The following TDRD3 variants were observed in gnomAD, a reference collection of about 807,000 sequenced individuals.
TDRD3 encodes the protein tudor domain-containing protein 3.
TDRD3 carries 45 observed loss-of-function variants against 86.7 expected under a neutral mutation model. The ratio of observed to expected loss-of-function variants is 0.52; its 90% CI spans 0.41 to 0.67. TDRD3 has a LOEUF of 0.67. Ranked by LOEUF, TDRD3 falls within the 30% of genes least tolerant of loss-of-function variation. The pLI, the probability that TDRD3 is intolerant of heterozygous loss-of-function variation, is 0.00. For synonymous variants in TDRD3, 298 were observed against 301.7 expected (o/e 0.99, Z 0.13); for missense variants, 814 against 889.0 (o/e 0.92, Z 1.07).
intron 1 of TDRD3, among the ~76,000 whole-genome samples, chr13:60,421,617 C>T (rs921927442): frequency 3.9e-5 from 6 of 152,210 alleles, no homozygotes; most frequent in African/African-American, 1.4e-4. Flanking sequence ...TTCCCCCAAA[C>T]TATACGGATG....
chr13:60,440,767 A>G (rs779804856), intron 2 of TDRD3, among the ~76,000 whole-genome samples: 18 of 152,198 alleles, frequency 1.2e-4, no homozygotes, highest in Non-Finnish European at 2.5e-4. Flanking sequence ...ATAATAAGCT[A>G]TAAACAATCA....
At chr13:60,450,504 A>G (rs969423459) in intron 3 of TDRD3, among the ~76,000 whole-genome samples, 5 of 152,196 alleles carry the variant, frequency 3.3e-5, no homozygotes, top group African/African-American at 1.2e-4. Context: ...CTTATTTAGT[A>G]AATACAAATA....
intron 1 of TDRD3, among the ~76,000 whole-genome samples, chr13:60,426,116 G>A (rs192508137): frequency 9.2e-5 from 14 of 152,154 alleles, no homozygotes; most frequent in Admixed American, 7.9e-4. Flanking sequence ...AGATCCTGCC[G>A]TTTCTCACCC....
At chr13:60,452,818 T>G (rs1334728340) in intron 3 of TDRD3, among the ~76,000 whole-genome samples, 2 of 118,624 alleles carry the variant, frequency 1.7e-5, no homozygotes, top group Non-Finnish European at 3.5e-5. Context: ...GTTCTTAGTT[T>G]TTTTTTTTTT....
chr13:60,442,865 A>G (rs909143909), intron 2 of TDRD3, among the ~76,000 whole-genome samples: 3 of 151,960 alleles, frequency 2.0e-5, no homozygotes, highest in African/African-American at 7.2e-5. Flanking sequence ...GGATGGATCA[A>G]AGTTTAGGAT....
At chr13:60,485,734 T>C (rs1251431847) in intron 6 of TDRD3, 65 bp from the exon 7 acceptor site, 1 of 1,325,666 alleles carries the variant, frequency 7.5e-7, no homozygotes, top group Non-Finnish European at 9.9e-7. Flanking sequence ...AAGTATTACT[T>C]TCTAACGAAA....
At chr13:60,498,497 A>G (rs1428268419) in intron 8 of TDRD3, among the ~76,000 whole-genome samples, 1 of 152,074 alleles carries the variant, frequency 6.6e-6, no homozygotes, top group African/African-American at 2.4e-5. Flanking sequence ...GTGTTCCTAG[A>G]TGTGAAATTG....
chr13:60,527,825 T>C (rs1957480685), intron 10 of TDRD3, among the ~76,000 whole-genome samples: 2 of 123,702 alleles, frequency 1.6e-5, no homozygotes, highest in Non-Finnish European at 3.6e-5. Flanking sequence ...TATCTATTTG[T>C]AACATAAACT....
At position 60,397,382 on chromosome 13, in the gene TDRD3, C is replaced by A; in HGVS notation, c.18C>A (p.Gly6=). ...CAGCTACCATGGCCCAGGTGGCCGG[C>A]GCGGCGTTGTCCCAGGCGGGTTGGT... is the stretch of plus-strand genomic sequence containing the variant. MAQVA[G]AALSQAGWYL... is the part of the protein sequence containing the mutation. Residue 6 remains glycine (G), a synonymous_variant, in exon 1 of 14, where the codon GGC becomes GGA. Transcript: ENST00000377881. 1 of 1,496,692 alleles carries A rather than the reference C, an allele frequency of 6.7e-7. No homozygotes were observed. 92.7% of individuals were successfully genotyped at this position (1,496,692 alleles called of 1,614,324 possible).
At chr13:60,440,021 ATCAG>A (rs757616829) in intron 2 of TDRD3, among the ~76,000 whole-genome samples, 3 of 152,120 alleles carry the variant, frequency 2.0e-5, no homozygotes, top group African/African-American at 7.2e-5. Flanking sequence ...TCACCCACTG[ATCAG>A]TCATAGACTT....
chr13:60,474,436 C>T (rs1431066078), intron 5 of TDRD3, among the ~76,000 whole-genome samples: 1 of 152,192 alleles, frequency 6.6e-6, no homozygotes, highest in Non-Finnish European at 1.5e-5. Context: ...TCTACATACT[C>T]TCATCTCCAC....
chr13:60,532,887 TGACA>T (rs910918125), intron 11 of TDRD3, among the ~76,000 whole-genome samples: 9 of 152,218 alleles, frequency 5.9e-5, no homozygotes, highest in Non-Finnish European at 1.2e-4. Flanking sequence ...AAGTCTTCAC[TGACA>T]GAATAAATAT....
chr13:60,462,863 A>G (rs1955830557), intron 4 of TDRD3, among the ~76,000 whole-genome samples: 1 of 152,182 alleles, frequency 6.6e-6, no homozygotes, highest in African/African-American at 2.4e-5. Flanking sequence ...CTTGATTTCA[A>G]ACTACACTAC....
chr13:60,512,398 C>T (rs549341119), intron 10 of TDRD3, among the ~76,000 whole-genome samples: 2 of 152,226 alleles, frequency 1.3e-5, no homozygotes, highest in African/African-American at 4.8e-5. Flanking sequence ...TCCCAAATAT[C>T]ATGTCCTCAC....
At chr13:60,571,621 TTCAGTAAGTGTTTATTA>T in intron 13 of TDRD3, among the ~76,000 whole-genome samples, 1 of 152,238 alleles carries the variant, frequency 6.6e-6, no homozygotes, top group East Asian at 1.9e-4. Context: ...ATGGTAGCTG[TTCAGTAAGTGTTTATTA>T]AATCAGTATG....
chr13:60,397,157 CCGGCCCCTA>C, upstream of TDRD3: 1 of 401,120 alleles, frequency 2.5e-6, no homozygotes. Flanking sequence ...CCACACCAGG[CCGGCCCCTA>C]CGGCCGCTCA....
At chr13:60,446,605 TAATG>T (rs1339077365) in intron 3 of TDRD3, among the ~76,000 whole-genome samples, 4 of 152,150 alleles carry the variant, frequency 2.6e-5, no homozygotes, top group Non-Finnish European at 5.9e-5. Flanking sequence ...TCACCAGTAT[TAATG>T]AAGATGTTTT....
intron 3 of TDRD3, among the ~76,000 whole-genome samples, chr13:60,453,435 G>A (rs1454878925): frequency 6.6e-6 from 1 of 152,120 alleles, no homozygotes; most frequent in Non-Finnish European, 1.5e-5. Context: ...TACTGAATTA[G>A]TACCAGTTTT....
intron 13 of TDRD3, among the ~76,000 whole-genome samples, chr13:60,569,096 G>A (rs1304605591): frequency 6.6e-6 from 1 of 152,018 alleles, no homozygotes; most frequent in Non-Finnish European, 1.5e-5. Context: ...AGCCTCCCTA[G>A]TAGCTGGGAC....
Sources: gnomAD v4.1 joint callset for allele counts (sites outside exome capture counted in the v4.1 genomes callset) on GRCh38, gnomAD v4.1.1 for gene constraint, MANE v1.5 for transcripts, NCBI Gene and HGNC (gene_info 2026-07-23, HGNC 2026-07-21) for gene names.